FAM78B: variants seen among roughly 807,000 people sequenced by gnomAD.
The protein encoded by FAM78B is family with sequence similarity 78 member B.
A neutral mutation model predicts 20.0 loss-of-function variants in FAM78B; 10 were observed. The ratio of observed to expected loss-of-function variants is 0.50; its 90% CI spans 0.31 to 0.85. The LOEUF (loss-of-function observed/expected upper bound fraction) is 0.85. Ranked by LOEUF, FAM78B falls within the 40% of genes least tolerant of loss-of-function variation. The pLI is 0.05. For synonymous variants in FAM78B, 135 were observed against 132.8 expected, an observed-to-expected ratio of 1.02 and a Z score of -0.12; for missense variants, 283 against 345.0, an observed-to-expected ratio of 0.82 and a Z score of 1.42.
At chr1:166,065,708 CA>C (rs1477351012), downstream of FAM78B, among the ~76,000 whole-genome samples, 1 of 152,092 alleles carries the variant, frequency 6.6e-6, no homozygotes, top group Non-Finnish European at 1.5e-5. Context: ...CTTCCATAGG[CA>C]GATGTCCTAC....
chr1:166,159,919 C>T (rs1656078691), intron 1 of FAM78B, among the ~76,000 whole-genome samples: 1 of 152,230 alleles, frequency 6.6e-6, no homozygotes, highest in African/African-American at 2.4e-5. Flanking sequence ...GGCAAAGGGT[C>T]ATCTCCCTTC....
chr1:166,070,474 T>C lies in FAM78B; in HGVS notation c.553A>G (p.Ile185Val). The change falls in exon 2 of 2, where the codon ATT (isoleucine) becomes GTT (valine). Residue 185 changes from isoleucine to valine, a missense_variant. Coordinates refer to ENST00000354422, the MANE Select transcript of FAM78B (RefSeq NM_001017961.5). ...ATCCTCCACTTGATGGTCTGCAGAA[T>C]GATCTTCTCCTTTGTGGTGGTGTTC... ...AMNTTTKEKIILQTIKWRMRV... is the reference protein window; with the variant it reads ...AMNTTTKEKIVLQTIKWRMRV... The C allele has an allele frequency of 6.2e-7, 1 of 1,614,212 alleles. No individual in the cohort carries two copies. Among genetic ancestry groups the C allele is most frequent in the Non-Finnish European group, 8.5e-7 (1 of 1,180,026 alleles).
rs1651960680 is a variant in FAM78B at position 166,070,132 on chromosome 1, CGA to C, written c.*107_*108del. 14 of 1,406,962 alleles carry C rather than the reference CGA, an allele frequency of 1.0e-5. No individual in the cohort carries two copies. The South Asian group carries it at 3.0e-4, about 31-fold the overall frequency. The allele number at this position is 1,406,962 out of a possible 1,614,324, so 87.2% of individuals were successfully genotyped here. On this transcript the variant is annotated 3_prime_UTR_variant, in exon 2 of 2. Coordinates refer to ENST00000354422, the MANE Select transcript of FAM78B (RefSeq NM_001017961.5). ...AAAGTGGCTGCAAAGGCTGGCAAAC[CGA>C]GAGGTCTGCTTTGGCTCAGAAACTC...
chr1:166,094,857 T>C (rs1014732561), intron 1 of FAM78B, among the ~76,000 whole-genome samples: 1 of 152,230 alleles, frequency 6.6e-6, no homozygotes, highest in Non-Finnish European at 1.5e-5. Context: ...TATACACCTA[T>C]TGAATGCTGG....
At chr1:166,101,040 C>G (rs1322734122) in intron 1 of FAM78B, among the ~76,000 whole-genome samples, 1 of 152,248 alleles carries the variant, frequency 6.6e-6, no homozygotes, top group Non-Finnish European at 1.5e-5. Context: ...TCACCAATAT[C>G]TGCTGTTCTG....
intron 1 of FAM78B, among the ~76,000 whole-genome samples, chr1:166,124,952 G>T (rs1654587464): frequency 6.6e-6 from 1 of 152,182 alleles, no homozygotes; most frequent in Non-Finnish European, 1.5e-5. Flanking sequence ...CACCCACCAG[G>T]TCACCTCTGA....
intron 1 of FAM78B, among the ~76,000 whole-genome samples, chr1:166,098,547 A>G (rs1031462924): frequency 6.6e-6 from 1 of 152,090 alleles, no homozygotes; most frequent in Non-Finnish European, 1.5e-5. Flanking sequence ...TAAAGAAAAA[A>G]CAATAAAAAA....
At chr1:166,130,578 G>C (rs1654835778) in intron 1 of FAM78B, among the ~76,000 whole-genome samples, 1 of 152,158 alleles carries the variant, frequency 6.6e-6, no homozygotes, top group Non-Finnish European at 1.5e-5. Context: ...TAGGTATGCT[G>C]CTAACATCCT....
intron 1 of FAM78B, among the ~76,000 whole-genome samples, chr1:166,121,321 A>G (rs1046398539): frequency 6.6e-6 from 1 of 151,872 alleles, no homozygotes; most frequent in African/African-American, 2.4e-5. Context: ...CTCTGTCTAC[A>G]CCCTCACCTC....
rs1037580925 is a variant in FAM78B, at chr1:166,122,052, C to T, written c.263+43934G>A. Among the ~76,000 whole-genome samples the T allele has an allele frequency of 6.6e-5, 10 of 152,304 alleles. No homozygotes were observed. In the East Asian group the frequency reaches 1.2e-3, roughly 18 times the overall value. On this transcript the variant is annotated intron_variant, in intron 1 of 1. Coordinates refer to ENST00000354422, the MANE Select transcript of FAM78B (RefSeq NM_001017961.5). The stretch of plus-strand genomic sequence containing the variant: ...CATCACCACACCTCTGACTGCTTTT[C>T]GGAATCACAGATTAATTCCCAGATC...
chr1:166,070,798 A>C, intron 1 of FAM78B, 35 bp from the exon 2 acceptor site: 5 of 1,506,684 alleles, frequency 3.3e-6, no homozygotes, highest in Non-Finnish European at 4.4e-6. Flanking sequence ...AGAAAAGAAG[A>C]GGCTGAATGA....
At chr1:166,165,457 G>C (rs1324150482) in intron 1 of FAM78B, among the ~76,000 whole-genome samples, 1 of 152,154 alleles carries the variant, frequency 6.6e-6, no homozygotes, top group Non-Finnish European at 1.5e-5. Flanking sequence ...CGGGGGACAA[G>C]GGTTCGAAAC....
chr1:166,086,167 CTT>C (rs1221370585), intron 1 of FAM78B, among the ~76,000 whole-genome samples: 1 of 149,298 alleles, frequency 6.7e-6, no homozygotes, highest in Non-Finnish European at 1.5e-5. Context: ...ATGGGACAAA[CTT>C]AACTCTGGCC....
chr1:166,059,846 A>T (rs1651507912), exon 3 of FAM78B: 1 of 152,234 alleles, frequency 6.6e-6, no homozygotes, highest in Non-Finnish European at 1.5e-5. Context: ...TCAAAGAGAA[A>T]TAATTCGCTG....
At chr1:166,165,962 C>G in intron 1 of FAM78B, 24 bp downstream of exon 1, 2 of 1,613,098 alleles carry the variant, frequency 1.2e-6, no homozygotes, top group Non-Finnish European at 1.7e-6. Flanking sequence ...AGTCCGCTCC[C>G]GTGCCGCGCG....
chr1:166,098,891 AAGAACACCTGGG>A (rs1653389893), intron 1 of FAM78B, among the ~76,000 whole-genome samples: 1 of 152,184 alleles, frequency 6.6e-6, no homozygotes, highest in Non-Finnish European at 1.5e-5. Context: ...AAGGAGCACA[AAGAACACCTGGG>A]AAATTCATCA....
intron 2 of FAM78B, among the ~76,000 whole-genome samples, chr1:166,061,232 C>T (rs193260085): frequency 7.8e-4 from 119 of 152,280 alleles, no homozygotes; most frequent in African/African-American, 2.2e-3. Context: ...GTGGCCATAA[C>T]AAAGTGGGTG....
intron 1 of FAM78B, among the ~76,000 whole-genome samples, chr1:166,165,563 C>T (rs1656335975): frequency 6.6e-6 from 1 of 152,166 alleles, no homozygotes; most frequent in South Asian, 2.1e-4. Context: ...CCAAAGGACG[C>T]GCGGCACAGC....
At chr1:166,068,256 G>A (rs1348916874), downstream of FAM78B, among the ~76,000 whole-genome samples, 2 of 152,168 alleles carry the variant, frequency 1.3e-5, no homozygotes, top group East Asian at 1.9e-4. Flanking sequence ...AAGCTGCTTT[G>A]TACTTTAGCC....
Sources: gnomAD v4.1 joint callset for allele counts (sites outside exome capture counted in the v4.1 genomes callset) on GRCh38, gnomAD v4.1.1 for gene constraint, MANE v1.5 for transcripts, NCBI Gene and HGNC (gene_info 2026-07-23, HGNC 2026-07-21) for gene names.